The following UBE2H variants were observed in gnomAD, a reference collection of about 807,000 sequenced individuals.
UBE2H encodes ubiquitin-conjugating enzyme E2 H.
UBE2H carries 3 observed loss-of-function variants against 29.0 expected under a neutral mutation model. The observed-to-expected ratio is 0.10, with a 90% CI of 0.05 to 0.27. The LOEUF is 0.27. UBE2H is among the 10% of genes least tolerant of loss of function. The probability of loss-of-function intolerance (pLI) is 1.00; values close to 1 mark genes in which losing one functional copy is unlikely to be tolerated. For missense variants in UBE2H, 68 were observed against 228.2 expected (o/e 0.30, Z 4.52); for synonymous variants, 69 against 82.9 (o/e 0.83, Z 0.91).
At chr7:129,928,149 G>A (rs554945152) in intron 1 of UBE2H, among the ~76,000 whole-genome samples, 187 of 151,696 alleles carry the variant, frequency 1.2e-3, no homozygotes, top group African/African-American at 4.1e-3. Flanking sequence ...TGGCCAACAC[G>A]GTGAAACCCT....
At chr7:129,860,714 GTTT>G (rs796240053) in intron 3 of UBE2H, among the ~76,000 whole-genome samples, 1 of 142,420 alleles carries the variant, frequency 7.0e-6, no homozygotes, top group East Asian at 2.0e-4. Context: ...GCTGAGTTTT[GTTT>G]TTTTTTTTTA....
chr7:129,940,707 T>C (rs1189559218), intron 1 of UBE2H, among the ~76,000 whole-genome samples: 1 of 152,208 alleles, frequency 6.6e-6, no homozygotes, highest in Non-Finnish European at 1.5e-5. Context: ...TGGGTTCTAC[T>C]GGTCATGGGC....
At chr7:129,868,763 T>C (rs116422973) in intron 3 of UBE2H, among the ~76,000 whole-genome samples, 163 of 152,202 alleles carry the variant, frequency 1.1e-3, no homozygotes, top group African/African-American at 3.5e-3. Flanking sequence ...AATTTAGACA[T>C]TACAGCCTGC....
chr7:129,934,287 ACT>A (rs1452649749), intron 1 of UBE2H, among the ~76,000 whole-genome samples: 1 of 151,830 alleles, frequency 6.6e-6, no homozygotes, highest in Non-Finnish European at 1.5e-5. Flanking sequence ...GCACCACTGC[ACT>A]CCAGCCTAGG....
At chr7:129,881,819 T>C (rs1191805366) in intron 1 of UBE2H, among the ~76,000 whole-genome samples, 3 of 152,148 alleles carry the variant, frequency 2.0e-5, no homozygotes, top group East Asian at 3.8e-4. Flanking sequence ...AAACTGGAAA[T>C]GCTATGCTCC....
At chr7:129,840,426 G>A (rs1805408249) in intron 5 of UBE2H, among the ~76,000 whole-genome samples, 2 of 152,012 alleles carry the variant, frequency 1.3e-5, no homozygotes, top group South Asian at 4.1e-4. Flanking sequence ...GGACTCAAGA[G>A]ATCCTTCCAT....
intron 3 of UBE2H, among the ~76,000 whole-genome samples, chr7:129,876,083 C>T (rs570885523): frequency 2.6e-5 from 4 of 152,280 alleles, no homozygotes; most frequent in South Asian, 2.1e-4. Flanking sequence ...ATTAAGTACA[C>T]GTAGTATTTT....
intron 1 of UBE2H, among the ~76,000 whole-genome samples, chr7:129,939,501 T>C (rs1807598557): frequency 6.6e-6 from 1 of 152,216 alleles, no homozygotes; most frequent in African/African-American, 2.4e-5. Context: ...CATGAAAACA[T>C]TATATCCATC....
chr7:129,878,682 C>CAAAAAAA (rs772936668), intron 3 of UBE2H, among the ~76,000 whole-genome samples: 2 of 75,070 alleles, frequency 2.7e-5, no homozygotes, highest in African/African-American at 5.8e-5. Context: ...GACTCCGTCT[C>CAAAAAAA]AAAAAAAAAA....
At chr7:129,872,508 T>C (rs1196953881) in intron 3 of UBE2H, among the ~76,000 whole-genome samples, 1 of 152,122 alleles carries the variant, frequency 6.6e-6, no homozygotes, top group Non-Finnish European at 1.5e-5. Flanking sequence ...TGAAAAAGAT[T>C]AATGCAGTTC....
intron 3 of UBE2H, among the ~76,000 whole-genome samples, chr7:129,869,111 T>G (rs1357357511): frequency 6.6e-6 from 1 of 152,084 alleles, no homozygotes; most frequent in Non-Finnish European, 1.5e-5. Flanking sequence ...TAATTTTGTA[T>G]TTTTAGTATA....
chr7:129,947,786 C>T (rs922798455), intron 1 of UBE2H, among the ~76,000 whole-genome samples: 1 of 152,132 alleles, frequency 6.6e-6, no homozygotes, highest in African/African-American at 2.4e-5. Context: ...CCATGACCAC[C>T]CATACTGAAT....
At chr7:129,875,840 T>C (rs1245217993) in intron 3 of UBE2H, among the ~76,000 whole-genome samples, 1 of 152,206 alleles carries the variant, frequency 6.6e-6, no homozygotes, top group Non-Finnish European at 1.5e-5. Flanking sequence ...CCTCGAGAAG[T>C]GTGAGCTATG....
At chr7:129,892,956 T>A (rs935611853) in intron 1 of UBE2H, among the ~76,000 whole-genome samples, 1 of 152,196 alleles carries the variant, frequency 6.6e-6, no homozygotes, top group African/African-American at 2.4e-5. Flanking sequence ...GTCAAACAGC[T>A]TCTGAATAAG....
chr7:129,883,891 T>C (rs940502783), intron 1 of UBE2H, among the ~76,000 whole-genome samples: 1 of 151,992 alleles, frequency 6.6e-6, no homozygotes, highest in Non-Finnish European at 1.5e-5. Context: ...ATACACATAA[T>C]GTATGGGTTT....
intron 5 of UBE2H, among the ~76,000 whole-genome samples, chr7:129,840,939 T>C (rs889362850): frequency 6.6e-6 from 1 of 152,122 alleles, no homozygotes; most frequent in Admixed American, 6.5e-5. Flanking sequence ...CCCATGGAAT[T>C]TGGCAATGTC....
At chr7:129,952,073 G>A (rs1807888167) in intron 1 of UBE2H, among the ~76,000 whole-genome samples, 1 of 152,150 alleles carries the variant, frequency 6.6e-6, no homozygotes, top group South Asian at 2.1e-4. Flanking sequence ...GGAAATGGGG[G>A]CATCTCAAGA....
chr7:129,861,143 G>C (rs1032266448), intron 3 of UBE2H, among the ~76,000 whole-genome samples: 50 of 151,874 alleles, frequency 3.3e-4, no homozygotes, highest in African/African-American at 1.2e-3. Context: ...AGAATCACTT[G>C]AACCCAGGAG....
intron 5 of UBE2H, among the ~76,000 whole-genome samples, chr7:129,842,485 T>C (rs1805445744): frequency 6.6e-6 from 1 of 152,216 alleles, no homozygotes; most frequent in East Asian, 1.9e-4. Flanking sequence ...CCTTTCTATT[T>C]TGGCATATGT....
Sources: allele counts gnomAD v4.1 joint callset (sites outside exome capture counted in the v4.1 genomes callset), GRCh38; gene constraint gnomAD v4.1.1; transcripts MANE v1.5; gene names NCBI Gene and HGNC (gene_info 2026-07-23, HGNC 2026-07-21).